Variants in TPX2 observed in about 807,000 individuals in gnomAD.
The protein encoded by TPX2 is targeting protein for Xklp2.
Under a neutral mutation model 93.6 loss-of-function variants are expected in TPX2, and 21 were observed. That is an observed-to-expected ratio of 0.22 (90% confidence interval 0.16 to 0.32). TPX2 has a LOEUF of 0.32. Ranked by LOEUF, TPX2 falls within the 10% of genes least tolerant of loss-of-function variation. The probability of loss-of-function intolerance (pLI) is 1.00; values close to 1 mark genes in which losing one functional copy is unlikely to be tolerated. For synonymous variants in TPX2, 281 were observed against 298.3 expected, an observed-to-expected ratio of 0.94 and a Z score of 0.60; for missense variants, 776 against 871.1, an observed-to-expected ratio of 0.89 and a Z score of 1.37.
At position 31,793,946 on chromosome 20, in the gene TPX2, C is replaced by T. The variant is rs778160567; in HGVS notation, c.1608C>T (p.Cys536=). Residue 536 remains cysteine, a synonymous_variant, in exon 14 of 18, where the codon TGC becomes TGT. Transcript: ENST00000300403. The stretch of plus-strand genomic sequence containing the variant: ...CAGAGGCAAGAACTGTGGAAATATG[C>T]CCTTTCTCGTTTGATTCTCGAGACA... ...QIPEARTVEI[C]PFSFDSRDKE... is the part of the protein sequence containing the mutation. 6.2e-7 allele frequency: 1 copy of T among 1,613,906 alleles called. No homozygotes were observed. The highest frequency in any genetic ancestry group is 1.1e-5 in the South Asian group (1 of 91,068).
chr20:31,762,494 C>T lies in TPX2; in HGVS notation c.229+2315C>T, dbSNP rs549543145. Among the ~76,000 whole-genome samples the T allele has an allele frequency of 7.2e-5, 11 of 152,110 alleles. No individual in the cohort carries two copies. The East Asian group carries it at 7.7e-4, about 11-fold the overall frequency. Reference sequence around the variant, plus strand: ...CCTCCCAAGTAGTTGTGACTACAGGCGCGCACCACCACACCCAGCTAATTT... The same window carrying T: ...CCTCCCAAGTAGTTGTGACTACAGGTGCGCACCACCACACCCAGCTAATTT... On this transcript the variant is annotated intron_variant, in intron 4 of 17. Coordinates refer to ENST00000300403, the MANE Select transcript of TPX2 (RefSeq NM_012112.5).
chr20:31,764,231 G>A (rs912365626), intron 4 of TPX2, among the ~76,000 whole-genome samples: 7 of 152,004 alleles, frequency 4.6e-5, no homozygotes, highest in Non-Finnish European at 8.8e-5. Flanking sequence ...CTGCAGTGGA[G>A]CAATCACGCC....
chr20:31,771,039 A>G (rs2061962169), intron 6 of TPX2, among the ~76,000 whole-genome samples: 1 of 151,912 alleles, frequency 6.6e-6, no homozygotes, highest in South Asian at 2.1e-4. Flanking sequence ...GAAGAAGAAG[A>G]GTACAGTAAA....
intron 17 of TPX2, among the ~76,000 whole-genome samples, chr20:31,800,550 C>T (rs2062164654): frequency 6.6e-6 from 1 of 152,108 alleles, no homozygotes; most frequent in Admixed American, 6.5e-5. Flanking sequence ...TTGCTTTTTC[C>T]CCAGGATTCA....
At chr20:31,750,469 T>C (rs912558042) in intron 2 of TPX2, among the ~76,000 whole-genome samples, 2 of 150,426 alleles carry the variant, frequency 1.3e-5, no homozygotes, top group Non-Finnish European at 3.0e-5. Context: ...TTTATTTATT[T>C]ATTTATTTAT....
intron 3 of TPX2, among the ~76,000 whole-genome samples, chr20:31,759,208 C>A (rs767905295): frequency 9.2e-5 from 14 of 151,886 alleles, no homozygotes; most frequent in Non-Finnish European, 1.9e-4. Context: ...TAGAACAGAC[C>A]CTTCACTGCT....
intron 15 of TPX2, among the ~76,000 whole-genome samples, chr20:31,795,479 TAA>T (rs1484949820): frequency 6.6e-6 from 1 of 152,284 alleles, no homozygotes; most frequent in Non-Finnish European, 1.5e-5. Flanking sequence ...AGCGCTGTCC[TAA>T]AACAGGTTGC....
At chr20:31,791,751 T>C (rs923858348) in intron 12 of TPX2, among the ~76,000 whole-genome samples, 2 of 152,166 alleles carry the variant, frequency 1.3e-5, no homozygotes, top group African/African-American at 2.4e-5. Context: ...AATGAAACTT[T>C]AGGGAAGAGC....
chr20:31,799,323 G>A (rs1392820510), intron 17 of TPX2, among the ~76,000 whole-genome samples: 1 of 152,164 alleles, frequency 6.6e-6, no homozygotes, highest in African/African-American at 2.4e-5. Flanking sequence ...TTGGTAAAAG[G>A]TTACTTAGTT....
chr20:31,798,302 A>T, intron 16 of TPX2, 63 bp from the exon 17 acceptor site: 1 of 1,602,508 alleles, frequency 6.2e-7, no homozygotes, highest in African/African-American at 1.3e-5. Context: ...TGCTCATTCC[A>T]GGGGGCGTAG....
At chr20:31,766,955 C>T (rs1329273762) in intron 5 of TPX2, among the ~76,000 whole-genome samples, 1 of 151,924 alleles carries the variant, frequency 6.6e-6, no homozygotes, top group East Asian at 1.9e-4. Context: ...GCACCTGCCA[C>T]CACACCCGGC....
At chr20:31,782,582 A>G (rs2062039680) in intron 11 of TPX2, among the ~76,000 whole-genome samples, 192 bp downstream of exon 11, 1 of 152,120 alleles carries the variant, frequency 6.6e-6, no homozygotes, top group South Asian at 2.1e-4. Context: ...GTTCTGGAGT[A>G]TAAACTGGTA....
At chr20:31,755,997 A>G (rs1277560064) in intron 2 of TPX2, among the ~76,000 whole-genome samples, 1 of 152,170 alleles carries the variant, frequency 6.6e-6, no homozygotes, top group Non-Finnish European at 1.5e-5. Flanking sequence ...TTCTGTTCCT[A>G]TGCTGCATGT....
chr20:31,770,571 T>C, intron 6 of TPX2, 100 bp downstream of exon 6: 7 of 1,128,172 alleles, frequency 6.2e-6, no homozygotes, highest in Non-Finnish European at 7.2e-6. Flanking sequence ...ATTGAATAGA[T>C]TAAAATTAAA....
chr20:31,757,518 G>A lies in TPX2; in HGVS notation c.42G>A (p.Ser14=), dbSNP rs758825961. Reference sequence around the variant, plus strand: ...GCTCTTATTCCTATGATGCCCCCTCGGATTTCATCAATTTTTCATCCTTGG... The same window carrying A: ...GCTCTTATTCCTATGATGCCCCCTCAGATTTCATCAATTTTTCATCCTTGG... ...VKSSYSYDAP[S]DFINFSSLDD... Residue 14 remains serine (S), a synonymous_variant, in exon 3 of 18, where the codon TCG becomes TCA. Transcript: ENST00000300403. 2.1e-5 allele frequency: 34 copies of A among 1,613,788 alleles called. No individual in the cohort carries two copies. The highest frequency in any genetic ancestry group is 5.5e-5 in the South Asian group (5 of 91,076).
chr20:31,766,103 C>T (rs1468483175), intron 4 of TPX2, among the ~76,000 whole-genome samples: 1 of 152,182 alleles, frequency 6.6e-6, no homozygotes, highest in African/African-American at 2.4e-5. Context: ...GAAAGTTTAT[C>T]TTAATACAGC....
intron 12 of TPX2, among the ~76,000 whole-genome samples, chr20:31,784,966 T>C (rs1568601422): frequency 6.6e-6 from 1 of 152,226 alleles, no homozygotes; most frequent in Non-Finnish European, 1.5e-5. Flanking sequence ...TTCTTTCTTT[T>C]TGCTTGCTTT....
In TPX2 at chr20:31,766,963, G is replaced by A. The variant is rs562845311; in HGVS notation, c.356+281G>A. On this transcript the variant is annotated intron_variant, in intron 5 of 17. Transcript: ENST00000300403. ...ATTATAGGCACCTGCCACCACACCC[G>A]GCTAATTTTTGTATTTTTAGTAGAG... Among the ~76,000 whole-genome samples, 25 of 151,566 alleles carry A rather than the reference G, an allele frequency of 1.6e-4. 1 individual carries two copies. In the South Asian group the frequency reaches 4.8e-3, roughly 29 times the overall value.
Position 31,757,415 on chromosome 20 carries a change from C to G in TPX2, c.-62C>G. ...ACCATTTCTTTCCTCAGAAGGTGAC[C>G]TGCTGAGAAAAGTGGTACAAATACT... is the stretch of plus-strand genomic sequence containing the variant. On this transcript the variant is annotated 5_prime_UTR_variant, in exon 3 of 18. Transcript: ENST00000300403. The G allele has an allele frequency of 1.5e-6, 2 of 1,338,866 alleles. No homozygotes were observed. The allele number at this position is 1,338,866 out of a possible 1,614,324, so 82.9% of individuals were successfully genotyped here. A position where few individuals can be genotyped will look rare whatever the true frequency, so the allele number is the denominator to read the frequency against.
Sources: allele counts gnomAD v4.1 joint callset (sites outside exome capture counted in the v4.1 genomes callset), GRCh38; gene constraint gnomAD v4.1.1; transcripts MANE v1.5; gene names NCBI Gene and HGNC (gene_info 2026-07-23, HGNC 2026-07-21).